UBE4B: variants seen among roughly 807,000 people sequenced by gnomAD.
UBE4B encodes ubiquitin conjugation factor E4 B.
UBE4B carries 27 observed loss-of-function variants against 148.1 expected under a neutral mutation model. The observed-to-expected ratio is 0.18, with a 90% confidence interval of 0.13 to 0.25. The LOEUF (loss-of-function observed/expected upper bound fraction) is 0.25. Among genes scored for constraint, UBE4B ranks in the 10% least tolerant of loss-of-function variants. The pLI is 1.00. For synonymous variants in UBE4B, 596 were observed against 619.3 expected, an observed-to-expected ratio of 0.96 and a Z score of 0.56; for missense variants, 1,170 against 1,662.4, an observed-to-expected ratio of 0.70 and a Z score of 5.15.
intron 17 of UBE4B, among the ~76,000 whole-genome samples, chr1:10,138,101 A>ATT (rs773852548): frequency 3.0e-5 from 4 of 132,262 alleles, no homozygotes; most frequent in Non-Finnish European, 4.9e-5. Context: ...CGCCTGGCCA[A>ATT]TTTTTTTTTT....
chr1:10,158,624 A>G, intron 22 of UBE4B, 142 bp downstream of exon 22: 1 of 1,096,626 alleles, frequency 9.1e-7, no homozygotes, highest in East Asian at 2.4e-5. Context: ...AGATGCCACT[A>G]AATGTGGGCA....
intron 25 of UBE4B, among the ~76,000 whole-genome samples, chr1:10,174,562 C>T (rs1470323033): frequency 1.3e-5 from 2 of 150,864 alleles, no homozygotes; most frequent in African/African-American, 2.4e-5. Flanking sequence ...ATTAGCCGGG[C>T]ATGGTGGTGT....
chr1:10,155,149 G>C (rs12122985), intron 21 of UBE4B, among the ~76,000 whole-genome samples: 4,403 of 151,826 alleles, frequency 0.029, 100 homozygotes, highest in Non-Finnish European at 0.042. Flanking sequence ...TGGGCCTGTT[G>C]CCTATAAGAC....
intron 3 of UBE4B, among the ~76,000 whole-genome samples, chr1:10,097,756 C>G (rs995493159): frequency 5.3e-5 from 8 of 151,712 alleles, no homozygotes; most frequent in African/African-American, 1.9e-4. Context: ...GTTGCTGTGA[C>G]CTGAGATCGC....
chr1:10,159,738 A>T (rs896018460), intron 22 of UBE4B, among the ~76,000 whole-genome samples: 4 of 152,240 alleles, frequency 2.6e-5, no homozygotes, highest in African/African-American at 9.6e-5. Context: ...GATCTTTTGC[A>T]ACCCATGTTA....
chr1:10,103,776 C>T (rs1645056750), intron 5 of UBE4B, among the ~76,000 whole-genome samples: 1 of 151,892 alleles, frequency 6.6e-6, no homozygotes, highest in South Asian at 2.1e-4. Context: ...TACAGGCATG[C>T]GCCACCACAC....
In UBE4B at chr1:10,050,563, G is replaced by A. The variant is rs145270088; in HGVS notation, c.24+16869G>A. Among the ~76,000 whole-genome samples, 349 of 152,224 alleles carry A rather than the reference G, an allele frequency of 2.3e-3. 3 individuals are homozygous for A. The highest frequency in any genetic ancestry group is 8.0e-3 in the African/African-American group (332 of 41,524). On this transcript the variant is annotated intron_variant, in intron 1 of 27. Transcript: ENST00000343090. ...CTGCATTGAATTATTTATTCACTTG[G>A]TGTAGCTCCTACTGGGATATGAACT...
At chr1:10,117,095 A>G (rs962536155) in intron 7 of UBE4B, among the ~76,000 whole-genome samples, 2 of 152,204 alleles carry the variant, frequency 1.3e-5, no homozygotes, top group African/African-American at 4.8e-5. Flanking sequence ...GTTTGATTAC[A>G]GCAGTAGCAT....
chr1:10,048,947 A>T (rs531245856), intron 1 of UBE4B, among the ~76,000 whole-genome samples: 3 of 152,150 alleles, frequency 2.0e-5, no homozygotes, highest in African/African-American at 7.2e-5. Context: ...TTCTTTATTC[A>T]TTCAACACTC....
rs1320132119 is a variant in UBE4B at position 10,168,664 on chromosome 1, G to A, written c.3333+394G>A. ...TCCCAGCACTTTGGGAGCCCAAGGC[G>A]GGCAGATCACGAGGTCAGGAGATGG... On this transcript the variant is annotated intron_variant, in intron 24 of 27. Coordinates refer to ENST00000343090, the MANE Select transcript of UBE4B (RefSeq NM_001105562.3). The surrounding 1 kb of genome is among the most constrained non-coding windows in gnomAD (Gnocchi z 4.9). 1.3e-5 allele frequency among the ~76,000 whole-genome samples: 2 copies of A among 152,108 alleles called. No individual in the cohort carries two copies. The highest frequency in any genetic ancestry group is 2.9e-5 in the Non-Finnish European group (2 of 68,020).
At chr1:10,051,570 C>T (rs1205952496) in intron 1 of UBE4B, among the ~76,000 whole-genome samples, 1 of 152,270 alleles carries the variant, frequency 6.6e-6, no homozygotes, top group South Asian at 2.1e-4. Context: ...TCTCTTCTCA[C>T]CCAGGGGCCA....
intron 2 of UBE4B, among the ~76,000 whole-genome samples, 163 bp from the exon 3 acceptor site, chr1:10,095,298 T>A (rs1644913453): frequency 6.7e-6 from 1 of 149,394 alleles, no homozygotes; most frequent in Non-Finnish European, 1.5e-5. Context: ...CCTATGATTT[T>A]ATTATTGTTT....
intron 21 of UBE4B, among the ~76,000 whole-genome samples, chr1:10,152,860 A>G (rs768547702): frequency 4.6e-5 from 7 of 151,972 alleles, no homozygotes; most frequent in Non-Finnish European, 1.0e-4. Context: ...GCCATCTTCT[A>G]TCCCTCAGTC....
intron 1 of UBE4B, among the ~76,000 whole-genome samples, chr1:10,042,673 A>AGGTT (rs1369278384): frequency 1.3e-5 from 2 of 152,082 alleles, no homozygotes; most frequent in Non-Finnish European, 2.9e-5. Flanking sequence ...ACAAACAAAC[A>AGGTT]TGTTCACATA....
chr1:10,033,320 G>A lies in UBE4B; in HGVS notation c.-351G>A. The A allele has an allele frequency of 4.7e-6, 1 of 212,130 alleles. No homozygotes were observed. The highest frequency in any genetic ancestry group is 9.4e-6 in the Non-Finnish European group (1 of 106,868). The allele number at this position is 212,130 out of a possible 1,614,324, so 13.1% of individuals were successfully genotyped here. On this transcript the variant is annotated 5_prime_UTR_variant, in exon 1 of 28. Coordinates refer to ENST00000343090, the MANE Select transcript of UBE4B (RefSeq NM_001105562.3). ...ACTATCACGAAGAAACAGCAGGCTC[G>A]GGGCACGAGACGAACTGGAGACCGC...
At chr1:10,076,782 T>C (rs1015761712) in intron 2 of UBE4B, among the ~76,000 whole-genome samples, 1 of 147,614 alleles carries the variant, frequency 6.8e-6, no homozygotes, top group African/African-American at 2.5e-5. Flanking sequence ...GTTTCGCTCT[T>C]GTCACCCAGG....
intron 2 of UBE4B, among the ~76,000 whole-genome samples, chr1:10,089,938 G>T (rs929647362): frequency 6.6e-6 from 1 of 151,858 alleles, no homozygotes; most frequent in Non-Finnish European, 1.5e-5. Flanking sequence ...TCCTTGATCC[G>T]CCCACCTCGG....
intron 7 of UBE4B, chr1:10,107,191 C>G (rs911185964): frequency 7.8e-7 from 1 of 1,289,298 alleles, no homozygotes; most frequent in Non-Finnish European, 1.0e-6. Context: ...TCTTTGTTCT[C>G]TGATGGCCTT....
chr1:10,083,859 G>T (rs1246519613), intron 2 of UBE4B, among the ~76,000 whole-genome samples: 1 of 152,116 alleles, frequency 6.6e-6, no homozygotes, highest in African/African-American at 2.4e-5. Context: ...TTAGTTCTGG[G>T]CTTTATCTTA....
Sources: allele counts gnomAD v4.1 joint callset (sites outside exome capture counted in the v4.1 genomes callset), GRCh38; gene constraint gnomAD v4.1.1; non-coding constraint Gnocchi (gnomAD v3.1); transcripts MANE v1.5; gene names NCBI Gene and HGNC (gene_info 2026-07-23, HGNC 2026-07-21).